The following YPEL1 variants were observed in gnomAD, a reference collection of about 807,000 sequenced individuals.
YPEL1 encodes the protein protein yippee-like 1.
A neutral mutation model predicts 17.3 loss-of-function variants in YPEL1; 7 were observed. The observed-to-expected ratio is 0.40, with a 90% CI of 0.23 to 0.76. The LOEUF (loss-of-function observed/expected upper bound fraction) is 0.76. Among genes scored for constraint, YPEL1 ranks in the 30% least tolerant of loss-of-function variants. YPEL1 has a pLI of 0.35. For synonymous variants in YPEL1, 59 were observed against 59.6 expected (o/e 0.99, Z 0.05); for missense variants, 91 against 155.5 (o/e 0.59, Z 2.21).
chr22:21,701,690 C>CA (rs2068067849), intron 4 of YPEL1, among the ~76,000 whole-genome samples: 1 of 152,094 alleles, frequency 6.6e-6, no homozygotes, highest in Non-Finnish European at 1.5e-5. Context: ...TGAAGAGATG[C>CA]AAAAGACTAC....
rs2068056485 is a variant in YPEL1 at position 21,700,651 on chromosome 22, T to G, written c.*478A>C. The G allele has an allele frequency of 6.5e-6, 1 of 153,646 alleles. No individual in the cohort carries two copies. The highest frequency in any genetic ancestry group is 2.0e-4 in the South Asian group (1 of 4,896). The allele number at this position is 153,646 out of a possible 1,614,324, so 9.5% of individuals were successfully genotyped here. A position where few individuals can be genotyped will look rare whatever the true frequency, so the allele number is the denominator to read the frequency against. Reference sequence around the variant, plus strand: ...CACCATGCCCGGCTAATTTTCGTATTTTTAGTAGAGATGGGGTTTCACCAT... The same window carrying G: ...CACCATGCCCGGCTAATTTTCGTATGTTTAGTAGAGATGGGGTTTCACCAT... On this transcript the variant is annotated 3_prime_UTR_variant, in exon 5 of 5. Coordinates refer to ENST00000339468, the MANE Select transcript of YPEL1 (RefSeq NM_013313.5).
chr22:21,709,748 T>TG (rs34821174), intron 2 of YPEL1, among the ~76,000 whole-genome samples: 74 of 151,058 alleles, frequency 4.9e-4, no homozygotes, highest in African/African-American at 1.8e-3. Flanking sequence ...GACCTGAGGA[T>TG]GGGGGGAGGT....
chr22:21,729,442 T>TAA (rs35544773), intron 1 of YPEL1, among the ~76,000 whole-genome samples: 49 of 130,070 alleles, frequency 3.8e-4, no homozygotes, highest in Non-Finnish European at 4.1e-4. Flanking sequence ...CCCCCATCTC[T>TAA]AAAAAAAAAA....
In YPEL1 at chr22:21,715,621, G is replaced by A. The variant is rs572529153; in HGVS notation, c.-164-4713C>T. The stretch of plus-strand genomic sequence containing the variant: ...ATTTTTTTGAGATGGAATCTCTGTC[G>A]CCCAGGCTGGAGTGCGATGGCACCA... On this transcript the variant is annotated intron_variant, in intron 1 of 4. Transcript: ENST00000339468. Among the ~76,000 whole-genome samples the A allele has an allele frequency of 2.6e-5, 4 of 151,434 alleles. No homozygotes were observed. In the South Asian group the frequency reaches 6.3e-4, roughly 24 times the overall value.
chr22:21,704,658 GAAA>G (rs34942655), intron 2 of YPEL1, among the ~76,000 whole-genome samples: 4 of 88,142 alleles, frequency 4.5e-5, no homozygotes, highest in Admixed American at 1.3e-4. Flanking sequence ...ACCCCGTCTC[GAAA>G]AAAAAAAAAA....
At chr22:21,730,276 T>A (rs907202497) in intron 1 of YPEL1, among the ~76,000 whole-genome samples, 1 of 151,946 alleles carries the variant, frequency 6.6e-6, no homozygotes, top group African/African-American at 2.4e-5. Context: ...CAGGCTGGAG[T>A]GCAGTAGCAC....
chr22:21,701,061 T>C lies in YPEL1; in HGVS notation c.*68A>G. On this transcript the variant is annotated 3_prime_UTR_variant, in exon 5 of 5. Coordinates refer to ENST00000339468, the MANE Select transcript of YPEL1 (RefSeq NM_013313.5). ...AAGAAAGGCTGTCACCAGATGCTCCTACGTTTCCATTACATTCACAGTTTC... is the reference window on the plus strand; with the variant it reads ...AAGAAAGGCTGTCACCAGATGCTCCCACGTTTCCATTACATTCACAGTTTC... 5 of 1,434,936 alleles carry C rather than the reference T, an allele frequency of 3.5e-6. No individual in the cohort carries two copies. The Admixed American group carries it at 6.7e-5, about 19-fold the overall frequency. The allele number at this position is 1,434,936 out of a possible 1,614,324, so 88.9% of individuals were successfully genotyped here.
chr22:21,705,579 C>T (rs1044021395), intron 2 of YPEL1, among the ~76,000 whole-genome samples: 7 of 152,032 alleles, frequency 4.6e-5, no homozygotes, highest in Non-Finnish European at 8.8e-5. Flanking sequence ...TTGACAATAT[C>T]GAAGTGGAAA....
At chr22:21,717,154 G>A (rs1440951014) in intron 1 of YPEL1, among the ~76,000 whole-genome samples, 2 of 150,868 alleles carry the variant, frequency 1.3e-5, no homozygotes, top group East Asian at 1.9e-4. Flanking sequence ...GCGGGGGGCG[G>A]ATCACAAGGT....
At chr22:21,704,439 C>T (rs1317546098) in intron 2 of YPEL1, among the ~76,000 whole-genome samples, 8 of 152,146 alleles carry the variant, frequency 5.3e-5, no homozygotes, top group African/African-American at 1.9e-4. Context: ...GGCAGATCAC[C>T]TGAGGTCAGG....
chr22:21,724,833 G>A (rs1274876994), intron 1 of YPEL1, among the ~76,000 whole-genome samples: 1 of 151,844 alleles, frequency 6.6e-6, no homozygotes, highest in Non-Finnish European at 1.5e-5. Flanking sequence ...ACCCACCTTG[G>A]CCTCCCAAAG....
At chr22:21,715,265 C>A (rs533630195) in intron 1 of YPEL1, among the ~76,000 whole-genome samples, 28 of 152,172 alleles carry the variant, frequency 1.8e-4, no homozygotes, top group African/African-American at 5.8e-4. Context: ...GAGGCTGAGG[C>A]GGGCAGATCG....
intron 1 of YPEL1, among the ~76,000 whole-genome samples, chr22:21,716,711 C>T (rs2068227276): frequency 6.6e-6 from 1 of 152,248 alleles, no homozygotes; most frequent in Non-Finnish European, 1.5e-5. Flanking sequence ...AAAATTCCCA[C>T]AAAGTCATTT....
At chr22:21,729,528 G>A (rs979473300) in intron 1 of YPEL1, among the ~76,000 whole-genome samples, 4 of 152,170 alleles carry the variant, frequency 2.6e-5, no homozygotes, top group Middle Eastern at 3.4e-3. Context: ...TTGAGGCCAG[G>A]AGGTCAAGGT....
chr22:21,701,916 T>G (rs953691480), intron 4 of YPEL1, among the ~76,000 whole-genome samples: 11 of 152,056 alleles, frequency 7.2e-5, no homozygotes, highest in Non-Finnish European at 1.6e-4. Flanking sequence ...CTTAGCTGGG[T>G]GTGGTGTGCC....
In YPEL1 at chr22:21,718,077, G is replaced by T. The variant is rs895568822; in HGVS notation, c.-164-7169C>A. The stretch of plus-strand genomic sequence containing the variant: ...GCCCAAGGGGTCGAGGCTGCAATGA[G>T]CAGAGATTGTGCCACTGGACTTAGC... On this transcript the variant is annotated intron_variant, in intron 1 of 4. Transcript: ENST00000339468. 1.3e-4 allele frequency among the ~76,000 whole-genome samples: 19 copies of T among 150,800 alleles called. No individual in the cohort carries two copies. In the Admixed American group the frequency reaches 1.3e-3, roughly 10 times the overall value.
chr22:21,713,346 G>C (rs1417473507), intron 1 of YPEL1, among the ~76,000 whole-genome samples: 1 of 152,164 alleles, frequency 6.6e-6, no homozygotes, highest in East Asian at 1.9e-4. Context: ...CAACAGCCAC[G>C]AGGGGGAAGC....
chr22:21,708,189 A>G (rs1049242302), intron 2 of YPEL1, among the ~76,000 whole-genome samples: 1 of 151,446 alleles, frequency 6.6e-6, no homozygotes, highest in Non-Finnish European at 1.5e-5. Flanking sequence ...TCATCTTGCC[A>G]CCTCGCCCGG....
chr22:21,704,171 T>G (rs929546356), intron 2 of YPEL1: 3 of 718,092 alleles, frequency 4.2e-6, no homozygotes, highest in Non-Finnish European at 7.8e-6. Context: ...ATGGTGAGCT[T>G]CATATGTCTG....
Sources: allele counts gnomAD v4.1 joint callset (sites outside exome capture counted in the v4.1 genomes callset), GRCh38; gene constraint gnomAD v4.1.1; transcripts MANE v1.5; gene names NCBI Gene and HGNC (gene_info 2026-07-23, HGNC 2026-07-21).